Variants in CLVS1 observed in about 807,000 individuals in gnomAD.
CLVS1 encodes clavesin-1.
In CLVS1, 10 loss-of-function variants were observed where a neutral mutation model predicts 33.1. That is an observed-to-expected ratio of 0.30 (90% CI 0.19 to 0.51). The LOEUF (loss-of-function observed/expected upper bound fraction) is 0.51, where lower values mean the gene tolerates loss of function less well. CLVS1 is among the 20% of genes least tolerant of loss of function. The pLI, the probability that CLVS1 is intolerant of heterozygous loss-of-function variation, is 0.97. For synonymous variants in CLVS1, 163 were observed against 166.1 expected, an observed-to-expected ratio of 0.98 and a Z score of 0.14; for missense variants, 343 against 433.4, an observed-to-expected ratio of 0.79 and a Z score of 1.85.
chr8:61,181,980 C>A (rs1378004765), intron 2 of CLVS1, among the ~76,000 whole-genome samples: 2 of 152,096 alleles, frequency 1.3e-5, no homozygotes, highest in Non-Finnish European at 2.9e-5. Context: ...GGATTACAGG[C>A]GTGAGCCACC....
intron 2 of CLVS1, among the ~76,000 whole-genome samples, chr8:61,180,471 C>A (rs1365563312): frequency 6.6e-6 from 1 of 152,140 alleles, no homozygotes; most frequent in Non-Finnish European, 1.5e-5. Context: ...AGGAGAGATT[C>A]CTCCATCACT....
chr8:61,113,277 A>T (rs1477138919), intron 1 of CLVS1, among the ~76,000 whole-genome samples: 1 of 152,218 alleles, frequency 6.6e-6, no homozygotes, highest in Non-Finnish European at 1.5e-5. Flanking sequence ...GCGCAAAAAT[A>T]GAAAATTGGG....
intron 2 of CLVS1, among the ~76,000 whole-genome samples, chr8:61,139,517 T>C (rs1367974): frequency 0.67 from 101,747 of 152,124 alleles, 36,239 homozygotes; most frequent in East Asian, 0.97. Context: ...GTGGTGGCGC[T>C]GCCAGCAGCG....
At position 61,425,992 on chromosome 8, in the gene CLVS1, A is replaced by T. The variant is rs567605396; in HGVS notation, c.631-28149A>T. ...TCTCACCCTTTAGAGCTGTAATTAC[A>T]CTCTTATAGGGATGCAGATTATGCC... On this transcript the variant is annotated intron_variant, in intron 3 of 5. Coordinates refer to ENST00000325897, the MANE Select transcript of CLVS1 (RefSeq NM_173519.3). Among the ~76,000 whole-genome samples the T allele has an allele frequency of 4.9e-4, 75 of 152,284 alleles. 1 individual carries two copies. The highest frequency in any genetic ancestry group is 1.7e-3 in the African/African-American group (70 of 41,572).
At chr8:61,254,854 C>A (rs968405442) in intron 2 of CLVS1, among the ~76,000 whole-genome samples, 1 of 152,208 alleles carries the variant, frequency 6.6e-6, no homozygotes, top group East Asian at 1.9e-4. Flanking sequence ...AATTCCCCAA[C>A]CCCTTGAACT....
intron 2 of CLVS1, among the ~76,000 whole-genome samples, chr8:61,338,423 C>T (rs1022958584): frequency 3.9e-5 from 6 of 152,156 alleles, no homozygotes; most frequent in African/African-American, 1.4e-4. Flanking sequence ...ATTTCTGGGC[C>T]TCACCCCCAG....
chr8:61,128,343 TTTCAA>T (rs1806017975), intron 1 of CLVS1, among the ~76,000 whole-genome samples: 2 of 152,262 alleles, frequency 1.3e-5, no homozygotes, highest in Non-Finnish European at 2.9e-5. Context: ...ATTTGGATGC[TTTCAA>T]ATATATTACC....
At chr8:61,426,989 G>T (rs1396431326) in intron 3 of CLVS1, among the ~76,000 whole-genome samples, 1 of 152,206 alleles carries the variant, frequency 6.6e-6, no homozygotes, top group Non-Finnish European at 1.5e-5. Context: ...GAGCAAAATA[G>T]TATCATTTAA....
At chr8:61,301,230 C>T (rs1003706251) in intron 2 of CLVS1, among the ~76,000 whole-genome samples, 2 of 152,208 alleles carry the variant, frequency 1.3e-5, no homozygotes, top group Non-Finnish European at 2.9e-5. Flanking sequence ...TGACCTTCTT[C>T]ACATCCTCTG....
intron 2 of CLVS1, among the ~76,000 whole-genome samples, chr8:61,197,443 C>T (rs1807640325): frequency 6.6e-6 from 1 of 152,134 alleles, no homozygotes; most frequent in South Asian, 2.1e-4. Context: ...GTTTTGATTA[C>T]TGTATACTGT....
At chr8:61,336,483 C>A (rs747523865) in intron 2 of CLVS1, among the ~76,000 whole-genome samples, 1 of 152,138 alleles carries the variant, frequency 6.6e-6, no homozygotes, top group African/African-American at 2.4e-5. Context: ...GTCCTCACCA[C>A]CAGAGAAACC....
chr8:61,376,543 C>T (rs1237503997), intron 2 of CLVS1, 62 bp from the exon 3 acceptor site: 3 of 1,520,272 alleles, frequency 2.0e-6, no homozygotes, highest in Admixed American at 1.7e-5. Flanking sequence ...AGCACTGTTG[C>T]ACGCAACATG....
At chr8:61,430,551 G>A (rs1193804504) in intron 3 of CLVS1, among the ~76,000 whole-genome samples, 1 of 152,126 alleles carries the variant, frequency 6.6e-6, no homozygotes. Context: ...TTTTCTGCAC[G>A]TGTGAAATGA....
At chr8:61,479,329 C>T (rs897813618) in intron 5 of CLVS1, among the ~76,000 whole-genome samples, 2 of 152,080 alleles carry the variant, frequency 1.3e-5, no homozygotes, top group Non-Finnish European at 2.9e-5. Flanking sequence ...TCATTTCATT[C>T]ATTTCATTTT....
chr8:61,101,675 C>T (rs1805453078), intron 1 of CLVS1, among the ~76,000 whole-genome samples: 1 of 152,022 alleles, frequency 6.6e-6, no homozygotes, highest in African/African-American at 2.4e-5. Flanking sequence ...TTTAAGAAAC[C>T]ATTGGCTAAT....
chr8:61,465,369 T>C (rs1341197993), intron 5 of CLVS1: 3 of 152,158 alleles, frequency 2.0e-5, no homozygotes, highest in African/African-American at 7.2e-5. Flanking sequence ...CGACCCATGC[T>C]TTCTGGTATC....
At chr8:61,414,049 G>A (rs895658120) in intron 3 of CLVS1, among the ~76,000 whole-genome samples, 8 of 152,234 alleles carry the variant, frequency 5.3e-5, no homozygotes, top group Non-Finnish European at 1.2e-4. Flanking sequence ...ATATTGGGAT[G>A]TGAGTATGGT....
At chr8:61,296,832 A>G (rs113617466) in intron 1 of CLVS1, among the ~76,000 whole-genome samples, 1,582 of 152,286 alleles carry the variant, frequency 0.01, 19 homozygotes, top group Non-Finnish European at 0.016. Flanking sequence ...CGCTCTGCCC[A>G]TGGAGCTGAC....
chr8:61,443,294 C>T (rs1186809638), intron 3 of CLVS1, among the ~76,000 whole-genome samples: 2 of 152,202 alleles, frequency 1.3e-5, no homozygotes, highest in Non-Finnish European at 2.9e-5. Flanking sequence ...GGAGGCAAGT[C>T]TAAGAACCTC....
Sources: gnomAD v4.1 joint callset for allele counts (sites outside exome capture counted in the v4.1 genomes callset) on GRCh38, gnomAD v4.1.1 for gene constraint, MANE v1.5 for transcripts, NCBI Gene and HGNC (gene_info 2026-07-23, HGNC 2026-07-21) for gene names.